Variants in RMDN2 observed in about 807,000 individuals in gnomAD.
RMDN2 encodes the protein regulator of microtubule dynamics protein 2.
RMDN2 carries 61 observed loss-of-function variants against 52.8 expected under a neutral mutation model. That is an observed-to-expected ratio of 1.16 (90% CI 0.94 to 1.43). The LOEUF (loss-of-function observed/expected upper bound fraction) is 1.43, where lower values mean the gene tolerates loss of function less well. RMDN2 is among the 40% of genes most tolerant of loss of function. RMDN2 has a pLI of 0.00. For synonymous variants in RMDN2, 180 were observed against 153.1 expected (o/e 1.18, Z -1.30); for missense variants, 592 against 475.3 (o/e 1.25, Z -2.28).
chr2:37,937,053 A>G (rs1667355744), intron 2 of RMDN2, among the ~76,000 whole-genome samples: 1 of 152,088 alleles, frequency 6.6e-6, no homozygotes, highest in Admixed American at 6.5e-5. Context: ...TCTTTAATCC[A>G]ATCCATCTTG....
Position 37,966,042 on chromosome 2 carries a change from C to G in RMDN2, c.453-7998C>G, listed in dbSNP as rs564461346. 5.9e-5 allele frequency among the ~76,000 whole-genome samples: 9 copies of G among 152,188 alleles called. No individual in the cohort carries two copies. The South Asian group carries it at 1.5e-3, about 25-fold the overall frequency. On this transcript the variant is annotated intron_variant, in intron 2 of 10. Coordinates refer to ENST00000354545, the MANE Select transcript of RMDN2 (RefSeq NM_001170791.3). ...CTTTTCTTTTGCTGCTTTTGAGATT[C>G]TTTTTGTCTTTAGCATTCAGTACTT...
intron 4 of RMDN2, among the ~76,000 whole-genome samples, chr2:37,979,114 G>A (rs1366776935): frequency 1.3e-5 from 2 of 152,132 alleles, no homozygotes; most frequent in Non-Finnish European, 2.9e-5. Flanking sequence ...AAAAGCCTCC[G>A]ATGTGTTCAT....
chr2:38,008,617 G>A (rs533176431), intron 10 of RMDN2, among the ~76,000 whole-genome samples: 5 of 152,200 alleles, frequency 3.3e-5, no homozygotes, highest in East Asian at 3.9e-4. Flanking sequence ...CGTGAGATGG[G>A]TTTCCTGAAT....
chr2:37,989,613 C>G lies in RMDN2; in HGVS notation c.864C>G (p.Phe288Leu), dbSNP rs763187680. Residue 288 changes from phenylalanine (F) to leucine (L), a missense_variant, in exon 6 of 11, where the codon TTC (phenylalanine) becomes TTG (leucine). Transcript: ENST00000354545. Reference protein sequence around the residue: ...LQNKINYGHLFKEHLDIAIKL... With the variant: ...LQNKINYGHLLKEHLDIAIKL... ...ACAAAATCAACTATGGGCACCTCTTCAAGGTATTTCTTTTTTTTTTTTCAT... is the reference window on the plus strand; with the variant it reads ...ACAAAATCAACTATGGGCACCTCTTGAAGGTATTTCTTTTTTTTTTTTCAT... The G allele has an allele frequency of 2.5e-6, 4 of 1,576,686 alleles. No homozygotes were observed. The highest frequency in any genetic ancestry group is 1.7e-5 in the Admixed American group (1 of 57,886).
chr2:37,978,770 C>T (rs1672900943), intron 4 of RMDN2, among the ~76,000 whole-genome samples: 1 of 102,336 alleles, frequency 9.8e-6, no homozygotes. Flanking sequence ...AGAGCAAGAC[C>T]CTTTCTCAGA....
intron 2 of RMDN2, among the ~76,000 whole-genome samples, chr2:37,937,529 G>A (rs1015994310): frequency 6.6e-6 from 1 of 152,170 alleles, no homozygotes; most frequent in Non-Finnish European, 1.5e-5. Context: ...CTATCCATGA[G>A]CATGGAATGT....
At chr2:38,023,499 T>G (rs1337624968) in intron 10 of RMDN2, among the ~76,000 whole-genome samples, 1 of 152,246 alleles carries the variant, frequency 6.6e-6, no homozygotes, top group African/African-American at 2.4e-5. Flanking sequence ...TTTATTTTTT[T>G]CATATGCCCG....
chr2:37,925,491 G>C (rs888134622), intron 1 of RMDN2, 66 bp downstream of exon 1: 1 of 152,678 alleles, frequency 6.5e-6, no homozygotes, highest in African/African-American at 2.4e-5. Context: ...GGGACTTGCG[G>C]AGGGAAGCGG....
chr2:37,961,455 T>A (rs1423647446), intron 2 of RMDN2, among the ~76,000 whole-genome samples: 2 of 151,914 alleles, frequency 1.3e-5, no homozygotes, highest in Non-Finnish European at 2.9e-5. Context: ...CAATCTCTGT[T>A]ATCCTTTCTT....
chr2:37,975,397 G>A (rs1672338956), intron 4 of RMDN2, 83 bp downstream of exon 4: 1 of 778,656 alleles, frequency 1.3e-6, no homozygotes, highest in Admixed American at 2.1e-5. Flanking sequence ...ATGAGTTCAT[G>A]TCCTTTGCAG....
At chr2:38,050,688 A>G (rs193145063) in intron 10 of RMDN2, among the ~76,000 whole-genome samples, 1 of 152,274 alleles carries the variant, frequency 6.6e-6, no homozygotes, top group East Asian at 1.9e-4. Context: ...ACTTCCACAT[A>G]TGTTAATGTA....
At chr2:37,925,762 A>G (rs1053444386) in intron 1 of RMDN2, among the ~76,000 whole-genome samples, 3 of 151,154 alleles carry the variant, frequency 2.0e-5, no homozygotes, top group African/African-American at 7.3e-5. Flanking sequence ...TGCAAACCCC[A>G]AAGAATTTCA....
At chr2:38,020,384 C>T (rs200564577), downstream of RMDN2, among the ~76,000 whole-genome samples, 2 of 152,350 alleles carry the variant, frequency 1.3e-5, no homozygotes, top group East Asian at 1.9e-4. Context: ...CTCTCTGCGC[C>T]TCCTCTGCCT....
chr2:37,931,204 T>C (rs943432450), intron 2 of RMDN2, among the ~76,000 whole-genome samples: 55 of 152,294 alleles, frequency 3.6e-4, no homozygotes, highest in Non-Finnish European at 6.9e-4. Flanking sequence ...TTATTGAGAG[T>C]CATTGTTCTA....
At chr2:38,011,984 A>G (rs771342182) in intron 10 of RMDN2, among the ~76,000 whole-genome samples, 12 of 152,156 alleles carry the variant, frequency 7.9e-5, no homozygotes, top group Non-Finnish European at 1.8e-4. Context: ...AAACGTCAAC[A>G]TGTCACTTCC....
chr2:37,999,808 C>A (rs1676074345), intron 8 of RMDN2, among the ~76,000 whole-genome samples: 1 of 152,240 alleles, frequency 6.6e-6, no homozygotes. Context: ...CTAGAGCCAT[C>A]CAGCTGGATC....
At chr2:37,933,814 AG>A in intron 2 of RMDN2, among the ~76,000 whole-genome samples, 1 of 127,634 alleles carries the variant, frequency 7.8e-6, no homozygotes, top group East Asian at 2.1e-4. Context: ...GGGAGAGAGG[AG>A]TACAAAAAAA....
intron 10 of RMDN2, among the ~76,000 whole-genome samples, chr2:38,004,979 G>C (rs1409722376): frequency 2.0e-5 from 3 of 151,962 alleles, no homozygotes; most frequent in South Asian, 4.2e-4. Flanking sequence ...ATAGTTTGCT[G>C]AGAATGATGG....
At chr2:38,023,633 T>G (rs1225838920) in intron 10 of RMDN2, among the ~76,000 whole-genome samples, 7 of 152,116 alleles carry the variant, frequency 4.6e-5, no homozygotes, top group Non-Finnish European at 7.3e-5. Flanking sequence ...GATTGGGAAA[T>G]TAACAAGAAT....
Sources: allele counts gnomAD v4.1 joint callset (sites outside exome capture counted in the v4.1 genomes callset), GRCh38; gene constraint gnomAD v4.1.1; transcripts MANE v1.5; gene names NCBI Gene and HGNC (gene_info 2026-07-23, HGNC 2026-07-21).